The following NARS2 variants were observed in gnomAD, a reference collection of about 807,000 sequenced individuals.
NARS2 encodes the protein asparaginyl-tRNA synthetase 2, mitochondrial, also known as asparaginyl-tRNA synthetase.
A neutral mutation model predicts 62.9 loss-of-function variants in NARS2; 60 were observed. The observed-to-expected ratio is 0.95, with a 90% CI of 0.77 to 1.18. The LOEUF (loss-of-function observed/expected upper bound fraction) is 1.18, where lower values mean the gene tolerates loss of function less well. Among genes scored for constraint, NARS2 ranks in the 50% most tolerant of loss-of-function variants. NARS2 has a pLI of 0.00. For synonymous variants in NARS2, 196 were observed against 200.0 expected, an observed-to-expected ratio of 0.98 and a Z score of 0.17; for missense variants, 619 against 576.4, an observed-to-expected ratio of 1.07 and a Z score of -0.76.
At chr11:78,437,647 T>C (rs1857449020) in intron 13 of NARS2, among the ~76,000 whole-genome samples, 1 of 152,122 alleles carries the variant, frequency 6.6e-6, no homozygotes, top group Non-Finnish European at 1.5e-5. Context: ...TATGTCATTT[T>C]GTGGGGAAAT....
intron 11 of NARS2, among the ~76,000 whole-genome samples, chr11:78,461,602 TAAAAAAAA>T (rs59664343): frequency 7.8e-5 from 5 of 64,086 alleles, no homozygotes; most frequent in African/African-American, 2.4e-4. Context: ...GCTGTGCTGG[TAAAAAAAA>T]AAAAAAAAAA....
At chr11:78,477,586 T>C (rs1008717343) in intron 9 of NARS2, among the ~76,000 whole-genome samples, 3 of 152,234 alleles carry the variant, frequency 2.0e-5, no homozygotes, top group African/African-American at 4.8e-5. Flanking sequence ...GGCTGCGCCA[T>C]GGTCTCCAGA....
intron 5 of NARS2, chr11:78,546,409 A>G (rs1286612646): frequency 6.6e-6 from 1 of 152,226 alleles, no homozygotes; most frequent in Non-Finnish European, 1.5e-5. Flanking sequence ...ACTGTGGGTG[A>G]GGACAACAGA....
Position 78,436,298 on chromosome 11 carries a change from G to C in NARS2, c.*372C>G, listed in dbSNP as rs1857408126. 6.0e-6 allele frequency: 1 copy of C among 165,480 alleles called. No homozygotes were observed. The highest frequency in any genetic ancestry group is 2.4e-5 in the African/African-American group (1 of 41,726). The allele number at this position is 165,480 out of a possible 1,614,324, so 10.3% of individuals were successfully genotyped here. ...AACATTATTTTATTTCGAGCTACTA[G>C]ATGGTTCTCACAAATTACACAGGGA... is the stretch of plus-strand genomic sequence containing the variant. On this transcript the variant is annotated 3_prime_UTR_variant, in exon 14 of 14. Coordinates refer to ENST00000281038, the MANE Select transcript of NARS2 (RefSeq NM_024678.6).
intron 5 of NARS2, chr11:78,546,422 G>C (rs1211478094): frequency 1.3e-5 from 2 of 152,232 alleles, no homozygotes; most frequent in African/African-American, 4.8e-5. Context: ...ACAACAGAAA[G>C]ATGTGGGACT....
rs75970524 is a variant in NARS2, at chr11:78,565,249, G to C, written c.513+883C>G. On this transcript the variant is annotated intron_variant, in intron 4 of 13. Coordinates refer to ENST00000281038, the MANE Select transcript of NARS2 (RefSeq NM_024678.6). Reference sequence around the variant, plus strand: ...AGATAGACCTACTTGATCAACACCAGTAACTCTTTAAAATTAGTGCTTACT... The same window carrying C: ...AGATAGACCTACTTGATCAACACCACTAACTCTTTAAAATTAGTGCTTACT... Among the ~76,000 whole-genome samples, 162 of 152,216 alleles carry C rather than the reference G, an allele frequency of 1.1e-3. 4 individuals carry two copies. The East Asian group carries it at 0.024, about 23-fold the overall frequency.
At chr11:78,499,691 GA>G (rs1261602850) in intron 6 of NARS2, among the ~76,000 whole-genome samples, 3 of 152,122 alleles carry the variant, frequency 2.0e-5, no homozygotes, top group African/African-American at 7.2e-5. Flanking sequence ...ATTACTACAA[GA>G]AAATAATTAT....
At position 78,436,705 on chromosome 11, in the gene NARS2, G is replaced by C. The variant is rs989459801; in HGVS notation, c.1399C>G (p.Pro467Ala). 20 of 1,614,110 alleles carry C rather than the reference G, an allele frequency of 1.2e-5. No homozygotes were observed. Among genetic ancestry groups the C allele is most frequent in the Non-Finnish European group, 1.7e-5 (20 of 1,180,016 alleles). ...LGVDNIKDVI[P>A]FPRFPHSCLL ...CATGAATGAGGAAACCTTGGGAAAG[G>C]GATAACATCTTTGATATTGTCAACA... The change falls in exon 14 of 14, where the codon CCT becomes GCT. Residue 467 changes from proline (P) to alanine (A), a missense_variant. By Grantham distance (27) the Pro-to-Ala change is conservative. Transcript: ENST00000281038.
At chr11:78,538,659 G>A (rs1005502576) in intron 5 of NARS2, among the ~76,000 whole-genome samples, 1 of 152,126 alleles carries the variant, frequency 6.6e-6, no homozygotes, top group African/African-American at 2.4e-5. Context: ...AGAGTGGAAG[G>A]CAGGTGACTG....
At chr11:78,548,809 T>A (rs78410450) in intron 5 of NARS2, among the ~76,000 whole-genome samples, 2 of 152,192 alleles carry the variant, frequency 1.3e-5, no homozygotes, top group South Asian at 2.1e-4. Flanking sequence ...AATTTTTTTT[T>A]AATCCAACCA....
chr11:78,492,254 A>C (rs1859854320), intron 7 of NARS2, among the ~76,000 whole-genome samples: 1 of 152,104 alleles, frequency 6.6e-6, no homozygotes, highest in South Asian at 2.1e-4. Context: ...CCCTTGTCTA[A>C]GTTGGTCACA....
intron 6 of NARS2, among the ~76,000 whole-genome samples, chr11:78,507,595 C>T (rs936417845): frequency 6.6e-5 from 10 of 151,150 alleles, no homozygotes; most frequent in African/African-American, 2.4e-4. Context: ...TCTCTGCTCA[C>T]TGCAAACTCC....
At position 78,436,328 on chromosome 11, in the gene NARS2, T is replaced by C. The variant is rs7934948; in HGVS notation, c.*342A>G. The stretch of plus-strand genomic sequence containing the variant: ...TTCTCACAAATTACACAGGGAGTGA[T>C]TTAATGATTATAGACAACGTAAAAT... On this transcript the variant is annotated 3_prime_UTR_variant, in exon 14 of 14. Transcript: ENST00000281038. 7,222 of 180,072 alleles carry C rather than the reference T, an allele frequency of 0.04. 543 individuals are homozygous for C. Among genetic ancestry groups the C allele is most frequent in the African/African-American group, 0.16 (6,831 of 42,210 alleles). 11.2% of individuals were successfully genotyped at this position (180,072 alleles called of 1,614,324 possible). A position where few individuals can be genotyped will look rare whatever the true frequency, so the allele number is the denominator to read the frequency against.
chr11:78,470,731 G>C lies in NARS2; in HGVS notation c.960-1418C>G, dbSNP rs1858833826. On this transcript the variant is annotated intron_variant, in intron 9 of 13. Coordinates refer to ENST00000281038, the MANE Select transcript of NARS2 (RefSeq NM_024678.6). ...CACTGATTTTTCACATGCAAAAGTG[G>C]AATTATTAGATGAAAATTTGCAATT... is the stretch of plus-strand genomic sequence containing the variant. 7.2e-5 allele frequency among the ~76,000 whole-genome samples: 11 copies of C among 152,146 alleles called. No homozygotes were observed. The South Asian group carries it at 2.3e-3, about 32-fold the overall frequency.
At chr11:78,493,258 ATT>A in intron 6 of NARS2, 63 bp from the exon 7 acceptor site, 1 of 1,461,112 alleles carries the variant, frequency 6.8e-7, no homozygotes, top group Non-Finnish European at 9.4e-7. Context: ...GTATTTAAAT[ATT>A]CAGTGAGCTC....
Position 78,465,994 on chromosome 11 carries a change from G to T in NARS2, c.1046C>A (p.Thr349Asn). The change falls in exon 11 of 14, where the codon ACT becomes AAT. Residue 349 changes from threonine to asparagine, a missense_variant. Physicochemically the swap from Thr to Asn is moderately conservative, Grantham distance 65 (BLOSUM62 0). Coordinates refer to ENST00000281038, the MANE Select transcript of NARS2 (RefSeq NM_024678.6). ...FTPEWGADLR[T>N]EHEKYLVKHC... is the part of the protein sequence containing the mutation. ...CTTCACCAGGTACTTTTCATGTTCAGTCCGTAGGTCAGCACCCCACTGTAA... is the reference window on the plus strand; with the variant it reads ...CTTCACCAGGTACTTTTCATGTTCATTCCGTAGGTCAGCACCCCACTGTAA... 1 of 1,610,366 alleles carries T rather than the reference G, an allele frequency of 6.2e-7. No individual in the cohort carries two copies. The highest frequency in any genetic ancestry group is 8.5e-7 in the Non-Finnish European group (1 of 1,178,284).
intron 7 of NARS2, among the ~76,000 whole-genome samples, chr11:78,488,769 T>C (rs932243262): frequency 6.6e-6 from 1 of 152,190 alleles, no homozygotes; most frequent in African/African-American, 2.4e-5. Context: ...CGGAACAGAA[T>C]AGAGGATTCT....
rs1414949397 is a variant in NARS2, at chr11:78,571,431, G to T, written c.155C>A (p.Ser52Tyr). The change falls in exon 2 of 14, where the codon TCT becomes TAT. Residue 52 changes from serine (S) to tyrosine (Y), a missense_variant. Ser to Tyr is a moderately radical substitution (Grantham distance 144). Coordinates refer to ENST00000281038, the MANE Select transcript of NARS2 (RefSeq NM_024678.6). ...ERIKIQGWIRSVRSQKEVLFL... is the reference protein window; with the variant it reads ...ERIKIQGWIRYVRSQKEVLFL... The stretch of plus-strand genomic sequence containing the variant: ...CAAGACTTCCTTCTGGGATCGGACA[G>T]AACGAATCCATCCCTAAGGAAGAGA... 1 of 1,611,276 alleles carries T rather than the reference G, an allele frequency of 6.2e-7. No individual in the cohort carries two copies. Among genetic ancestry groups the T allele is most frequent in the Non-Finnish European group, 8.5e-7 (1 of 1,178,380 alleles).
At chr11:78,467,571 T>A (rs60724431) in intron 10 of NARS2, among the ~76,000 whole-genome samples, 10,560 of 149,886 alleles carry the variant, frequency 0.07, 707 homozygotes, top group African/African-American at 0.18. Context: ...ATAAATAAAT[T>A]AATTAATTAA....
Sources: allele counts gnomAD v4.1 joint callset (sites outside exome capture counted in the v4.1 genomes callset), GRCh38; gene constraint gnomAD v4.1.1; transcripts MANE v1.5; gene names NCBI Gene and HGNC (gene_info 2026-07-23, HGNC 2026-07-21).